TAC3: variants seen among roughly 807,000 people sequenced by gnomAD.
The protein encoded by TAC3 is tachykinin precursor 3.
In TAC3, 9 loss-of-function variants were observed where a neutral mutation model predicts 16.5. The ratio of observed to expected loss-of-function variants is 0.55; its 90% CI spans 0.33 to 0.95. The LOEUF (loss-of-function observed/expected upper bound fraction) is 0.95. TAC3 is among the 40% of genes least tolerant of loss of function. TAC3 has a pLI of 0.03. For synonymous variants in TAC3, 52 were observed against 56.7 expected, an observed-to-expected ratio of 0.92 and a Z score of 0.37; for missense variants, 129 against 149.1, an observed-to-expected ratio of 0.87 and a Z score of 0.70.
chr12:57,013,195 T>C, intron 4 of TAC3, 164 bp downstream of exon 4: 1 of 915,730 alleles, frequency 1.1e-6, no homozygotes, highest in Non-Finnish European at 1.8e-6. Flanking sequence ...TTCCTCCTAG[T>C]TCTGGATGGC....
chr12:57,013,862 A>G (rs1956338157), intron 2 of TAC3, among the ~76,000 whole-genome samples, 191 bp from the exon 3 acceptor site: 1 of 152,210 alleles, frequency 6.6e-6, no homozygotes, highest in Non-Finnish European at 1.5e-5. Flanking sequence ...CAGCAACACC[A>G]GCACTACACA....
intron 3 of TAC3, 87 bp downstream of exon 3, chr12:57,013,491 T>A (rs75027057): frequency 6.3e-6 from 10 of 1,591,072 alleles, no homozygotes; most frequent in African/African-American, 1.3e-5. Context: ...CTATCCCCCA[T>A]CTCTCTCCCA....
chr12:57,010,225 A>C lies in TAC3; in HGVS notation c.*65T>G, dbSNP rs1956279815. The C allele has an allele frequency of 2.2e-6, 1 of 453,970 alleles. No individual in the cohort carries two copies. The highest frequency in any genetic ancestry group is 4.4e-6 in the Non-Finnish European group (1 of 226,792). 28.1% of individuals were successfully genotyped at this position (453,970 alleles called of 1,614,324 possible). A position where few individuals can be genotyped will look rare whatever the true frequency, so the allele number is the denominator to read the frequency against. ...GAGAAAGGGTAACAGGAGCGTGCGC[A>C]CCTGGGGATTGGGACAGGGAAAGAG... On this transcript the variant is annotated 3_prime_UTR_variant, in exon 7 of 7. Transcript: ENST00000458521.
intron 6 of TAC3, among the ~76,000 whole-genome samples, chr12:57,011,746 A>G (rs940122143): frequency 6.6e-6 from 1 of 152,240 alleles, no homozygotes; most frequent in African/African-American, 2.4e-5. Context: ...ACTGAAGCAC[A>G]GGAGGATATG....
chr12:57,016,129 G>A (rs1378822721), intron 1 of TAC3, among the ~76,000 whole-genome samples: 1 of 152,176 alleles, frequency 6.6e-6, no homozygotes, highest in Non-Finnish European at 1.5e-5. Context: ...CAGTCAGCTG[G>A]AGGAGGGATC....
intron 6 of TAC3, 134 bp downstream of exon 6, chr12:57,012,244 G>A: frequency 1.2e-6 from 1 of 806,132 alleles, no homozygotes; most frequent in Non-Finnish European, 2.1e-6. Context: ...CCGACAGTGT[G>A]CTGGGCATTG....
rs1202544537 is a variant in TAC3, at chr12:57,010,226, C to G, written c.*64G>C. 2.2e-6 allele frequency: 1 copy of G among 453,984 alleles called. No individual in the cohort carries two copies. The highest frequency in any genetic ancestry group is 2.3e-5 in the Admixed American group (1 of 42,566). The allele number at this position is 453,984 out of a possible 1,614,324, so 28.1% of individuals were successfully genotyped here. On this transcript the variant is annotated 3_prime_UTR_variant, in exon 7 of 7. Transcript: ENST00000458521. ...AGAAAGGGTAACAGGAGCGTGCGCACCTGGGGATTGGGACAGGGAAAGAGG... is the reference window on the plus strand; with the variant it reads ...AGAAAGGGTAACAGGAGCGTGCGCAGCTGGGGATTGGGACAGGGAAAGAGG...
At chr12:57,013,013 C>G (rs1481379994) in intron 4 of TAC3, 138 bp from the exon 5 acceptor site, 2 of 1,074,858 alleles carry the variant, frequency 1.9e-6, no homozygotes, top group Non-Finnish European at 2.8e-6. Flanking sequence ...TCACAGTTAG[C>G]AAGTGCCTCC....
In TAC3 at chr12:57,012,406, G is replaced by T; in HGVS notation, c.339C>A (p.Ile113=). The change falls in exon 6 of 7, where the codon ATC becomes ATA. Residue 113 remains isoleucine (I), a synonymous_variant. Transcript: ENST00000458521. Reference sequence around the variant, plus strand: ...ATTCTGCTCTCGGGGGATACTTGAGGATGCCAAAGCTGGGGACGTTCTCTT... The same window carrying T: ...ATTCTGCTCTCGGGGGATACTTGAGTATGCCAAAGCTGGGGACGTTCTCTT... ...VNQENVPSFG[I]LKYPPRAE 6.2e-7 allele frequency: 1 copy of T among 1,614,034 alleles called. No homozygotes were observed. The highest frequency in any genetic ancestry group is 8.5e-7 in the Non-Finnish European group (1 of 1,179,984).
At chr12:57,013,800 CT>C in intron 2 of TAC3, 129 bp from the exon 3 acceptor site, 1 of 785,968 alleles carries the variant, frequency 1.3e-6, no homozygotes, top group Non-Finnish European at 2.1e-6. Context: ...AGAGTTTCCT[CT>C]GGTTCACACT....
At chr12:57,010,998 A>G (rs1245554197) in intron 6 of TAC3, 2 of 152,550 alleles carry the variant, frequency 1.3e-5, no homozygotes, top group Non-Finnish European at 2.9e-5. Context: ...CACTGTAATT[A>G]TCTTTATGGC....
At chr12:57,011,470 G>A (rs1202192890) in intron 6 of TAC3, among the ~76,000 whole-genome samples, 2 of 152,170 alleles carry the variant, frequency 1.3e-5, no homozygotes, top group African/African-American at 4.8e-5. Flanking sequence ...GAAGGTTCGT[G>A]TTTTGACTAG....
At position 57,011,429 on chromosome 12, in the gene TAC3, T is replaced by C. The variant is rs192215604; in HGVS notation, c.*1+949A>G. ...AAGAAAGCCATTGGTGGAGCTGCTC[T>C]TGCTGTGTGTGGGAAGACAGTGTCA... On this transcript the variant is annotated intron_variant, in intron 6 of 6. Coordinates refer to ENST00000458521, the MANE Select transcript of TAC3 (RefSeq NM_013251.4). Among the ~76,000 whole-genome samples the C allele has an allele frequency of 2.5e-3, 377 of 152,318 alleles. 2 individuals are homozygous for C. Among genetic ancestry groups the C allele is most frequent in the Admixed American group, 3.4e-3 (52 of 15,304 alleles).
chr12:57,013,083 T>A, intron 4 of TAC3: 1 of 771,876 alleles, frequency 1.3e-6, no homozygotes, highest in Non-Finnish European at 2.1e-6. Flanking sequence ...TTTTCTGCTC[T>A]AGCAGGTGCC....
intron 2 of TAC3, among the ~76,000 whole-genome samples, chr12:57,015,472 A>C (rs776578143): frequency 1.3e-5 from 2 of 152,214 alleles, no homozygotes; most frequent in Non-Finnish European, 2.9e-5. Context: ...TTTTATGTAC[A>C]AGGTGTCAAA....
At chr12:57,013,475 A>G in intron 3 of TAC3, 87 bp from the exon 4 acceptor site, 2 of 1,593,160 alleles carry the variant, frequency 1.3e-6, no homozygotes, top group East Asian at 2.2e-5. Flanking sequence ...TCACCGATTC[A>G]CTAAGCTATC....
Position 57,012,652 on chromosome 12 carries a change from G to A in TAC3, c.292+170C>T, listed in dbSNP as rs375244695. ...AAGGTCTCTGCTCCTCTGTTCCCAG[G>A]GAAGACTTTCCTGTGGATCCAAGCT... On this transcript the variant is annotated intron_variant, in intron 5 of 6. Coordinates refer to ENST00000458521, the MANE Select transcript of TAC3 (RefSeq NM_013251.4). The A allele has an allele frequency of 5.6e-6, 9 of 1,612,922 alleles. No individual in the cohort carries two copies. In the African/African-American group the frequency reaches 1.2e-4, roughly 22 times the overall value.
At chr12:57,012,342 C>G (rs370240107) in intron 6 of TAC3, 36 bp downstream of exon 6, 39 of 1,581,850 alleles carry the variant, frequency 2.5e-5, no homozygotes, top group Non-Finnish European at 3.2e-5. Context: ...GCCCCCTCCC[C>G]AGTCCCCTCT....
In TAC3 at chr12:57,013,349, G is replaced by C. The variant is rs989699334; in HGVS notation, c.238+10C>G. The stretch of plus-strand genomic sequence containing the variant: ...TGGCAAGAGATAGGGAGGGAGAAGA[G>C]GGTACTTACGTTTCTCGGGAGATGT... On this transcript the variant is annotated intron_variant, in intron 4 of 6. Coordinates refer to ENST00000458521, the MANE Select transcript of TAC3 (RefSeq NM_013251.4). 3.1e-6 allele frequency: 5 copies of C among 1,613,874 alleles called. No individual in the cohort carries two copies. Among genetic ancestry groups the C allele is most frequent in the African/African-American group, 1.3e-5 (1 of 74,910 alleles).
Sources: allele counts gnomAD v4.1 joint callset (sites outside exome capture counted in the v4.1 genomes callset), GRCh38; gene constraint gnomAD v4.1.1; transcripts MANE v1.5; gene names NCBI Gene and HGNC (gene_info 2026-07-23, HGNC 2026-07-21).